The following CRYM variants were observed in gnomAD, a reference collection of about 807,000 sequenced individuals.
The protein encoded by CRYM is ketimine reductase mu-crystallin.
CRYM carries 18 observed loss-of-function variants against 32.9 expected under a neutral mutation model. That is an observed-to-expected ratio of 0.55 (90% confidence interval 0.38 to 0.81). The LOEUF is 0.81. CRYM is among the 30% of genes least tolerant of loss of function. The probability of loss-of-function intolerance (pLI) is 0.00; values close to 1 mark genes in which losing one functional copy is unlikely to be tolerated. For synonymous variants in CRYM, 153 were observed against 152.4 expected, an observed-to-expected ratio of 1.00 and a Z score of -0.03; for missense variants, 337 against 393.5, an observed-to-expected ratio of 0.86 and a Z score of 1.21.
upstream of CRYM, chr16:21,278,473 TCCCC>T: frequency 1.7e-6 from 1 of 603,486 alleles, no homozygotes; most frequent in Middle Eastern, 4.4e-4. Context: ...AGCAACGGAT[TCCCC>T]AAGATGGACA....
At position 21,267,591 on chromosome 16, in the gene CRYM, C is replaced by T. The variant is rs1207403108; in HGVS notation, c.636G>A (p.Leu212=). 4 of 1,614,000 alleles carry T rather than the reference C, an allele frequency of 2.5e-6. No homozygotes were observed. Among genetic ancestry groups the T allele is most frequent in the Non-Finnish European group, 3.4e-6 (4 of 1,180,032 alleles). Residue 212 remains leucine (L), a synonymous_variant, in exon 5 of 8, where the codon TTG becomes TTA. Transcript: ENST00000572914. ...ITVTLATEPI[L]FGEWVKPGAH... is the part of the protein sequence containing the mutation. Reference sequence around the variant, plus strand: ...CCCCTGGCTTCACCCATTCACCAAACAAAATGGGCTCTGTTGCCAGGGTGA... The same window carrying T: ...CCCCTGGCTTCACCCATTCACCAAATAAAATGGGCTCTGTTGCCAGGGTGA...
At chr16:21,266,886 A>T (rs1309839607) in intron 5 of CRYM, among the ~76,000 whole-genome samples, 1 of 151,924 alleles carries the variant, frequency 6.6e-6, no homozygotes, top group Admixed American at 6.6e-5. Context: ...ACATGCCTGT[A>T]GTCCCAGCTA....
At chr16:21,260,967 C>A in intron 7 of CRYM, 1 of 500,400 alleles carries the variant, frequency 2.0e-6, no homozygotes, top group East Asian at 3.8e-5. Flanking sequence ...CAAATCCCAC[C>A]TAATCCTCAA....
At chr16:21,275,748 G>A (rs963643626) in intron 2 of CRYM, among the ~76,000 whole-genome samples, 154 bp from the exon 3 acceptor site, 5 of 152,144 alleles carry the variant, frequency 3.3e-5, no homozygotes, top group African/African-American at 1.2e-4. Flanking sequence ...CTCCACTTAC[G>A]AGATATGCAA....
intron 3 of CRYM, among the ~76,000 whole-genome samples, chr16:21,272,114 C>T (rs2093376739): frequency 1.3e-5 from 2 of 151,736 alleles, no homozygotes; most frequent in South Asian, 4.2e-4. Flanking sequence ...CCACCTGCCT[C>T]GGCCTCCAAA....
rs2152860838 is a variant in CRYM, at chr16:21,258,741, T to C, written c.*40A>G. The C allele has an allele frequency of 1.3e-6, 2 of 1,546,748 alleles. No homozygotes were observed. Among genetic ancestry groups the C allele is most frequent in the Non-Finnish European group, 1.8e-6 (2 of 1,119,012 alleles). On this transcript the variant is annotated 3_prime_UTR_variant, in exon 8 of 8. Transcript: ENST00000572914. ...TAGAAATTATGAGAACCAGCAGCAA[T>C]ATTCCTCAAGCATCCATCTCAACAT... is the stretch of plus-strand genomic sequence containing the variant.
At chr16:21,290,931 T>G (rs1246063402) in intron 1 of CRYM, among the ~76,000 whole-genome samples, 1 of 152,202 alleles carries the variant, frequency 6.6e-6, no homozygotes, top group Non-Finnish European at 1.5e-5. Flanking sequence ...TCGCATGAGA[T>G]GACAGGAAGA....
upstream of CRYM, among the ~76,000 whole-genome samples, chr16:21,280,931 C>T (rs946948229): frequency 2.6e-5 from 4 of 151,968 alleles, no homozygotes; most frequent in African/African-American, 9.7e-5. Flanking sequence ...GTGATGAAAC[C>T]CCATCTCTAC....
At chr16:21,298,908 C>T (rs927936592) in intron 1 of CRYM, among the ~76,000 whole-genome samples, 2 of 152,154 alleles carry the variant, frequency 1.3e-5, no homozygotes, top group East Asian at 1.9e-4. Context: ...TTTTTAATCC[C>T]AGTTAATTTC....
At chr16:21,281,189 T>A (rs2093397548), upstream of CRYM, among the ~76,000 whole-genome samples, 1 of 151,624 alleles carries the variant, frequency 6.6e-6, no homozygotes, top group Non-Finnish European at 1.5e-5. Flanking sequence ...CGTATCTATG[T>A]ATCTATATAG....
At position 21,266,947 on chromosome 16, in the gene CRYM, C is replaced by T. The variant is rs139383189; in HGVS notation, c.673+607G>A. Among the ~76,000 whole-genome samples, 333 of 150,872 alleles carry T rather than the reference C, an allele frequency of 2.2e-3. 1 individual carries two copies. Among genetic ancestry groups the T allele is most frequent in the African/African-American group, 7.7e-3 (316 of 41,198 alleles). ...GCTTGAACCCAGGAGGCAGAGGTTG[C>T]AGTGAGCTGAGATCTCGCCACTGCA... On this transcript the variant is annotated intron_variant, in intron 5 of 7. Coordinates refer to ENST00000572914, the MANE Select transcript of CRYM (RefSeq NM_001376256.1).
chr16:21,302,085 A>C (rs1275192103), intron 1 of CRYM, among the ~76,000 whole-genome samples: 8 of 152,232 alleles, frequency 5.3e-5, no homozygotes, highest in Non-Finnish European at 2.9e-5. Flanking sequence ...ACACACACCC[A>C]CACACACATA....
chr16:21,283,215 G>C (rs974617259), upstream of CRYM, among the ~76,000 whole-genome samples: 2 of 152,104 alleles, frequency 1.3e-5, no homozygotes, highest in Admixed American at 6.5e-5. Flanking sequence ...GGGTAGAGCT[G>C]TACCATAGTG....
At chr16:21,288,046 T>A (rs188070663) in intron 1 of CRYM, among the ~76,000 whole-genome samples, 364 of 152,256 alleles carry the variant, frequency 2.4e-3, no homozygotes, top group Admixed American at 4.5e-3. Flanking sequence ...AAGCAACAAA[T>A]GAGTCAAATA....
chr16:21,267,773 T>C (rs776815889), intron 4 of CRYM, 36 bp from the exon 5 acceptor site: 2 of 1,611,556 alleles, frequency 1.2e-6, no homozygotes, highest in East Asian at 2.2e-5. Context: ...ATTGGCGCCA[T>C]TTTTTGGCTG....
At chr16:21,267,103 T>C (rs1270890597) in intron 5 of CRYM, among the ~76,000 whole-genome samples, 1 of 152,134 alleles carries the variant, frequency 6.6e-6, no homozygotes, top group African/African-American at 2.4e-5. Flanking sequence ...CAAATATTGT[T>C]TGTTTGTTTT....
chr16:21,290,893 T>G (rs562954091), intron 1 of CRYM, among the ~76,000 whole-genome samples: 1 of 152,290 alleles, frequency 6.6e-6, no homozygotes, highest in East Asian at 1.9e-4. Context: ...ATAAACGGTA[T>G]GAGAAATAAT....
intron 1 of CRYM, chr16:21,300,338 A>T (rs1247788622): frequency 6.6e-6 from 1 of 152,002 alleles, no homozygotes; most frequent in African/African-American, 2.4e-5. Flanking sequence ...TGCAATGGTA[A>T]CTGTGTTTTT....
chr16:21,262,188 C>A (rs2093355842), intron 5 of CRYM, 30 bp from the exon 6 acceptor site: 3 of 1,613,534 alleles, frequency 1.9e-6, no homozygotes, highest in Non-Finnish European at 2.5e-6. Flanking sequence ...ACCTTAAGCC[C>A]AGGATTAGTG....
Sources: gnomAD v4.1 joint callset for allele counts (sites outside exome capture counted in the v4.1 genomes callset) on GRCh38, gnomAD v4.1.1 for gene constraint, MANE v1.5 for transcripts, NCBI Gene and HGNC (gene_info 2026-07-23, HGNC 2026-07-21) for gene names.